The following MSH3 variants were observed in gnomAD, a reference collection of about 807,000 sequenced individuals.
MSH3 encodes DNA mismatch repair protein Msh3.
A neutral mutation model predicts 123.3 loss-of-function variants in MSH3; 106 were observed. The observed-to-expected ratio is 0.86, with a 90% confidence interval of 0.73 to 1.01. The LOEUF is 1.01. Among genes scored for constraint, MSH3 ranks in the 50% least tolerant of loss-of-function variants. The pLI is 0.00. For missense variants in MSH3, 1,459 were observed against 1,347.6 expected, an observed-to-expected ratio of 1.08 and a Z score of -1.29; for synonymous variants, 515 against 481.4, an observed-to-expected ratio of 1.07 and a Z score of -0.91.
At chr5:80,808,405 C>A (rs1277171147) in intron 19 of MSH3, among the ~76,000 whole-genome samples, 1 of 152,116 alleles carries the variant, frequency 6.6e-6, no homozygotes, top group African/African-American at 2.4e-5. Context: ...AGGCTTCTAC[C>A]ATTTCACCAT....
intron 19 of MSH3, among the ~76,000 whole-genome samples, chr5:80,793,834 T>G (rs750348707): frequency 6.6e-6 from 1 of 152,226 alleles, no homozygotes; most frequent in Non-Finnish European, 1.5e-5. Flanking sequence ...AGTGAAGTTA[T>G]GGCAGGGTGT....
chr5:80,808,858 C>CATATATATATATATATCTATATATATAT (rs1554074137), intron 19 of MSH3, among the ~76,000 whole-genome samples: 4 of 66,156 alleles, frequency 6.0e-5, no homozygotes, highest in Non-Finnish European at 9.2e-5. Context: ...ATATCTTCTT[C>CATATATATATATATATCTATATATATAT]ATATATATAT....
At chr5:80,800,151 C>G (rs1414148251) in intron 19 of MSH3, among the ~76,000 whole-genome samples, 1 of 152,222 alleles carries the variant, frequency 6.6e-6, no homozygotes, top group African/African-American at 2.4e-5. Flanking sequence ...GAATGTACTT[C>G]TAGTCTCTTC....
chr5:80,654,873 C>T lies in MSH3; in HGVS notation c.146C>T (p.Pro49Leu). The T allele has an allele frequency of 6.3e-7, 1 of 1,599,078 alleles. No individual in the cohort carries two copies. Among genetic ancestry groups the T allele is most frequent in the Middle Eastern group, 1.7e-4 (1 of 6,018 alleles). Reference protein sequence around the residue: ...SSTGAADQVDPGAAAAAAAAA... With the variant: ...SSTGAADQVDLGAAAAAAAAA... Reference sequence around the variant, plus strand: ...ACAGGTGCAGCCGACCAGGTGGACCCTGGCGCTGCAGCGGCTGCAGCGGCC... The same window carrying T: ...ACAGGTGCAGCCGACCAGGTGGACCTTGGCGCTGCAGCGGCTGCAGCGGCC... Residue 49 changes from proline to leucine, a missense_variant, in exon 1 of 24, where the codon CCT becomes CTT. By Grantham distance (98) the Pro-to-Leu change is moderately conservative. Coordinates refer to ENST00000265081, the MANE Select transcript of MSH3 (RefSeq NM_002439.5).
At chr5:80,676,746 T>C (rs1325973152) in intron 7 of MSH3, among the ~76,000 whole-genome samples, 2 of 152,256 alleles carry the variant, frequency 1.3e-5, no homozygotes, top group Non-Finnish European at 1.5e-5. Context: ...CATTTGGACC[T>C]ATATACAAAT....
At chr5:80,729,464 A>G (rs245333) in intron 10 of MSH3, among the ~76,000 whole-genome samples, 27,229 of 113,558 alleles carry the variant, frequency 0.24, 3,069 homozygotes, top group East Asian at 0.31. Flanking sequence ...GTGTGTGTAT[A>G]TATATATATA....
chr5:80,826,715 A>C (rs1187400750), intron 20 of MSH3, among the ~76,000 whole-genome samples: 2 of 151,988 alleles, frequency 1.3e-5, no homozygotes, highest in Admixed American at 1.3e-4. Flanking sequence ...CGCCCAGCTA[A>C]TTTTTGTATT....
chr5:80,766,120 A>G (rs1455752577), intron 13 of MSH3, among the ~76,000 whole-genome samples: 2 of 151,972 alleles, frequency 1.3e-5, no homozygotes, highest in Non-Finnish European at 2.9e-5. Flanking sequence ...GTTTCATGGA[A>G]GATATTATTA....
At chr5:80,730,567 A>G (rs972553363) in intron 10 of MSH3, among the ~76,000 whole-genome samples, 1 of 152,102 alleles carries the variant, frequency 6.6e-6, no homozygotes, top group Non-Finnish European at 1.5e-5. Flanking sequence ...CCGGCATTAT[A>G]CCCTCATTGG....
At chr5:80,714,409 T>G (rs1046695532) in intron 8 of MSH3, among the ~76,000 whole-genome samples, 4 of 152,096 alleles carry the variant, frequency 2.6e-5, no homozygotes, top group Admixed American at 1.3e-4. Flanking sequence ...GTGCTGAGAT[T>G]ACAGGTATGA....
intron 21 of MSH3, 44 bp downstream of exon 21, chr5:80,854,360 AATT>A (rs767331680): frequency 3.2e-6 from 5 of 1,539,112 alleles, no homozygotes; most frequent in African/African-American, 1.4e-5. Context: ...TTAATTTGTA[AATT>A]ATTATTTTTA....
Position 80,792,793 on chromosome 5 carries a change from T to C in MSH3, c.2604T>C (p.Asp868=), listed in dbSNP as rs751271010. ...VIKNGRHPVI[D]VLLGEQDQYV... Reference sequence around the variant, plus strand: ...AAAATGGAAGGCACCCTGTGATTGATGTGTTGCTGGGAGAACAGGATCAAT... The same window carrying C: ...AAAATGGAAGGCACCCTGTGATTGACGTGTTGCTGGGAGAACAGGATCAAT... Residue 868 remains aspartate (D), a synonymous_variant, in exon 19 of 24, where the codon GAT becomes GAC. Coordinates refer to ENST00000265081, the MANE Select transcript of MSH3 (RefSeq NM_002439.5). The C allele has an allele frequency of 6.2e-7, 1 of 1,613,624 alleles. No homozygotes were observed. The highest frequency in any genetic ancestry group is 8.5e-7 in the Non-Finnish European group (1 of 1,179,704).
At position 80,795,416 on chromosome 5, in the gene MSH3, A is replaced by G. The variant is rs549872104; in HGVS notation, c.2655+2572A>G. Among the ~76,000 whole-genome samples, 9 of 152,286 alleles carry G rather than the reference A, an allele frequency of 5.9e-5. No homozygotes were observed. In the South Asian group the frequency reaches 1.0e-3, roughly 18 times the overall value. ...GAAAGTCCAAGATCAAGGTACCAGCAGATTCAGTTTCTGGTGAGGGCCTGT... is the reference window on the plus strand; with the variant it reads ...GAAAGTCCAAGATCAAGGTACCAGCGGATTCAGTTTCTGGTGAGGGCCTGT... On this transcript the variant is annotated intron_variant, in intron 19 of 23. Transcript: ENST00000265081.
At chr5:80,718,305 A>C (rs774231957) in intron 8 of MSH3, among the ~76,000 whole-genome samples, 4 of 152,132 alleles carry the variant, frequency 2.6e-5, no homozygotes, top group Non-Finnish European at 5.9e-5. Context: ...ATTTTTAGAG[A>C]CAAAGGTCTT....
rs189028405 is a variant in MSH3, at chr5:80,763,131, G to A, written c.1896+1453G>A. Among the ~76,000 whole-genome samples, 13 of 152,298 alleles carry A rather than the reference G, an allele frequency of 8.5e-5. No homozygotes were observed. The East Asian group carries it at 2.5e-3, about 29-fold the overall frequency. ...CAAAGTGCTGGGATTACAGGCATGA[G>A]CCACTGCGCCCAGCCAATATGCCTA... is the stretch of plus-strand genomic sequence containing the variant. On this transcript the variant is annotated intron_variant, in intron 13 of 23. Transcript: ENST00000265081.
intron 20 of MSH3, among the ~76,000 whole-genome samples, chr5:80,827,655 G>T (rs527737150): frequency 7.2e-5 from 11 of 152,236 alleles, no homozygotes; most frequent in South Asian, 4.2e-4. Flanking sequence ...CAATATCTCT[G>T]TGCTTTCTTT....
chr5:80,761,797 G>A, intron 13 of MSH3, 119 bp downstream of exon 13: 4 of 1,095,898 alleles, frequency 3.6e-6, no homozygotes, highest in East Asian at 2.6e-5. Flanking sequence ...CTTACAAATA[G>A]CATGCGAGAG....
chr5:80,843,327 C>T (rs571442707), intron 20 of MSH3, among the ~76,000 whole-genome samples: 3 of 152,214 alleles, frequency 2.0e-5, no homozygotes, highest in Non-Finnish European at 4.4e-5. Flanking sequence ...TGAGGATTTT[C>T]GCATTGATGT....
intron 12 of MSH3, among the ~76,000 whole-genome samples, chr5:80,756,118 A>G (rs1743921572): frequency 6.6e-6 from 1 of 152,196 alleles, no homozygotes; most frequent in Admixed American, 6.6e-5. Context: ...AACACAGACA[A>G]TTCTTTAAGA....
Sources: gnomAD v4.1 joint callset for allele counts (sites outside exome capture counted in the v4.1 genomes callset) on GRCh38, gnomAD v4.1.1 for gene constraint, MANE v1.5 for transcripts, NCBI Gene and HGNC (gene_info 2026-07-23, HGNC 2026-07-21) for gene names.